Variants in SYT9 observed in about 807,000 individuals in gnomAD.
SYT9 encodes synaptotagmin 9, also known as synaptotagmin-9.
A neutral mutation model predicts 48.4 loss-of-function variants in SYT9; 22 were observed. That is an observed-to-expected ratio of 0.45 (90% confidence interval 0.32 to 0.65). SYT9 has a LOEUF of 0.65. Ranked by LOEUF, SYT9 falls within the 30% of genes least tolerant of loss-of-function variation. SYT9 has a pLI of 0.03. For missense variants in SYT9, 577 were observed against 622.0 expected, an observed-to-expected ratio of 0.93 and a Z score of 0.77; for synonymous variants, 265 against 245.0, an observed-to-expected ratio of 1.08 and a Z score of -0.76.
At chr11:7,307,898 G>T (rs1849061029) in intron 2 of SYT9, among the ~76,000 whole-genome samples, 1 of 152,216 alleles carries the variant, frequency 6.6e-6, no homozygotes, top group South Asian at 2.1e-4. Flanking sequence ...GAGGAAGCAG[G>T]TCTTGCCTCA....
intron 6 of SYT9, chr11:7,461,442 G>A (rs1206650987): frequency 2.6e-5 from 4 of 152,252 alleles, no homozygotes; most frequent in African/African-American, 7.2e-5. Context: ...GCATGATCTC[G>A]GCTCACAGCA....
At chr11:7,333,554 A>T (rs889162131) in intron 3 of SYT9, among the ~76,000 whole-genome samples, 8 of 152,204 alleles carry the variant, frequency 5.3e-5, no homozygotes, top group Admixed American at 3.9e-4. Context: ...ACCTTCTTTT[A>T]TAAAAAGTCT....
At chr11:7,320,448 T>C (rs983959686) in intron 3 of SYT9, among the ~76,000 whole-genome samples, 2 of 152,252 alleles carry the variant, frequency 1.3e-5, no homozygotes, top group Admixed American at 6.5e-5. Flanking sequence ...ATGCTTCTTT[T>C]GTGTATTTGT....
At chr11:7,450,902 G>T (rs1404815470) in intron 6 of SYT9, among the ~76,000 whole-genome samples, 1 of 152,198 alleles carries the variant, frequency 6.6e-6, no homozygotes, top group African/African-American at 2.4e-5. Flanking sequence ...TTTCTGACAT[G>T]GTCAGTGTCG....
intron 3 of SYT9, among the ~76,000 whole-genome samples, chr11:7,363,278 A>G (rs763305404): frequency 3.9e-5 from 6 of 151,934 alleles, no homozygotes. Flanking sequence ...ATTTTCCTCA[A>G]CTTACCCACA....
intron 3 of SYT9, among the ~76,000 whole-genome samples, chr11:7,365,967 G>A (rs1467738688): frequency 2.0e-5 from 3 of 152,168 alleles, no homozygotes. Context: ...TTCTGCTGAT[G>A]TACCCTATAG....
At chr11:7,263,552 C>T (rs1259609983) in intron 1 of SYT9, among the ~76,000 whole-genome samples, 1 of 152,072 alleles carries the variant, frequency 6.6e-6, no homozygotes, top group African/African-American at 2.4e-5. Context: ...GAGAAATGTG[C>T]AGGAACCAAT....
intron 3 of SYT9, among the ~76,000 whole-genome samples, chr11:7,392,643 T>C (rs574320190): frequency 2.6e-5 from 4 of 152,328 alleles, no homozygotes; most frequent in African/African-American, 9.6e-5. Context: ...CTGTGAAAAA[T>C]GACATTGCTA....
At chr11:7,361,794 A>T (rs1435555817) in intron 3 of SYT9, among the ~76,000 whole-genome samples, 1 of 152,224 alleles carries the variant, frequency 6.6e-6, no homozygotes, top group Non-Finnish European at 1.5e-5. Flanking sequence ...TTAGTAAAAG[A>T]ATTACATTTT....
chr11:7,241,860 T>C (rs930667877), intron 1 of SYT9, among the ~76,000 whole-genome samples: 4 of 152,204 alleles, frequency 2.6e-5, no homozygotes, highest in African/African-American at 9.6e-5. Context: ...AGGAGACTGA[T>C]GAGGAGACAT....
At chr11:7,321,440 G>A (rs1452563254) in intron 3 of SYT9, among the ~76,000 whole-genome samples, 2 of 152,290 alleles carry the variant, frequency 1.3e-5, no homozygotes, top group South Asian at 2.1e-4. Flanking sequence ...AAATGGGGCA[G>A]GCAGGCTCTG....
intron 3 of SYT9, among the ~76,000 whole-genome samples, chr11:7,383,052 T>A (rs1414056773): frequency 6.6e-6 from 1 of 152,236 alleles, no homozygotes; most frequent in Non-Finnish European, 1.5e-5. Flanking sequence ...AAGGACTTTT[T>A]GCCAATCTTG....
intron 3 of SYT9, among the ~76,000 whole-genome samples, chr11:7,414,622 T>C (rs540599164): frequency 6.6e-6 from 1 of 152,354 alleles, no homozygotes; most frequent in Admixed American, 6.5e-5. Flanking sequence ...CTTGAGGTCA[T>C]GGCTCCAGGA....
At chr11:7,327,922 T>C (rs1175884145) in intron 3 of SYT9, among the ~76,000 whole-genome samples, 1 of 90,258 alleles carries the variant, frequency 1.1e-5, no homozygotes, top group Non-Finnish European at 2.2e-5. Flanking sequence ...GGGACTGTGG[T>C]GGGGAGGGGG....
At chr11:7,317,399 G>A (rs1328155800) in intron 3 of SYT9, among the ~76,000 whole-genome samples, 3 of 152,272 alleles carry the variant, frequency 2.0e-5, no homozygotes, top group East Asian at 1.9e-4. Flanking sequence ...GGATATCCAA[G>A]ACCAAGTTTC....
intron 3 of SYT9, chr11:7,314,437 C>A: frequency 4.7e-6 from 1 of 214,794 alleles, no homozygotes; most frequent in Non-Finnish European, 9.8e-6. Flanking sequence ...GAAGAGTTGG[C>A]AACACATTTT....
At chr11:7,361,385 G>T (rs554956439) in intron 3 of SYT9, among the ~76,000 whole-genome samples, 2 of 152,064 alleles carry the variant, frequency 1.3e-5, no homozygotes, top group East Asian at 3.8e-4. Context: ...AATTTTGGTC[G>T]TAGAACATTG....
chr11:7,301,879 C>G (rs924348243), intron 1 of SYT9, among the ~76,000 whole-genome samples: 4 of 152,156 alleles, frequency 2.6e-5, no homozygotes, highest in Non-Finnish European at 5.9e-5. Context: ...CTCCTTGGTT[C>G]TACTGTAGCC....
At chr11:7,369,114 T>A (rs554287176) in intron 3 of SYT9, among the ~76,000 whole-genome samples, 51 of 152,350 alleles carry the variant, frequency 3.3e-4, no homozygotes, top group African/African-American at 1.2e-3. Flanking sequence ...GTAAAAGCAT[T>A]CCTATTTCTC....
Sources: gnomAD v4.1 joint callset for allele counts (sites outside exome capture counted in the v4.1 genomes callset) on GRCh38, gnomAD v4.1.1 for gene constraint, MANE v1.5 for transcripts, NCBI Gene and HGNC (gene_info 2026-07-23, HGNC 2026-07-21) for gene names.